Variants in SOX5 observed in about 807,000 individuals in gnomAD.
The protein encoded by SOX5 is SRY-box transcription factor 5, also known as transcription factor SOX-5.
SOX5 carries 9 observed loss-of-function variants against 92.0 expected under a neutral mutation model. The observed-to-expected ratio is 0.10, with a 90% confidence interval of 0.06 to 0.17. The LOEUF (loss-of-function observed/expected upper bound fraction) is 0.17. Ranked by LOEUF, SOX5 falls within the 10% of genes least tolerant of loss-of-function variation. The pLI, the probability that SOX5 is intolerant of heterozygous loss-of-function variation, is 1.00. For synonymous variants in SOX5, 344 were observed against 336.3 expected (o/e 1.02, Z -0.25); for missense variants, 642 against 944.5 (o/e 0.68, Z 4.20).
intron 1 of SOX5, among the ~76,000 whole-genome samples, chr12:23,922,754 A>G (rs1358285444): frequency 2.0e-5 from 3 of 152,214 alleles, no homozygotes; most frequent in Non-Finnish European, 4.4e-5. Flanking sequence ...GTACTTCTGT[A>G]GTGTTGATAT....
chr12:24,485,585 C>T (rs912114318), intron 1 of SOX5, among the ~76,000 whole-genome samples: 1 of 151,986 alleles, frequency 6.6e-6, no homozygotes, highest in Non-Finnish European at 1.5e-5. Flanking sequence ...ATAACAAGTA[C>T]CCTTCCCATT....
At chr12:23,553,680 G>A (rs909739759) in intron 11 of SOX5, among the ~76,000 whole-genome samples, 26 of 152,040 alleles carry the variant, frequency 1.7e-4, no homozygotes, top group Admixed American at 5.2e-4. Flanking sequence ...AATCAGAAGG[G>A]TTAATGTGAG....
chr12:24,139,310 T>C (rs1950365299), intron 4 of SOX5, among the ~76,000 whole-genome samples: 1 of 152,226 alleles, frequency 6.6e-6, no homozygotes, highest in Non-Finnish European at 1.5e-5. Context: ...TGTAATGTTT[T>C]AATAGCTCGC....
At chr12:24,420,326 T>A (rs533090959) in intron 1 of SOX5, among the ~76,000 whole-genome samples, 28 of 152,254 alleles carry the variant, frequency 1.8e-4, no homozygotes, top group African/African-American at 6.0e-4. Context: ...GCTTAGAACA[T>A]CTTAACATAC....
At chr12:23,618,151 A>G (rs528226285) in intron 8 of SOX5, among the ~76,000 whole-genome samples, 1 of 152,196 alleles carries the variant, frequency 6.6e-6, no homozygotes, top group Non-Finnish European at 1.5e-5. Context: ...AGATCTCTCT[A>G]TGTATCAGTG....
chr12:24,517,856 C>G (rs1459891044), intron 1 of SOX5, among the ~76,000 whole-genome samples: 1 of 152,008 alleles, frequency 6.6e-6, no homozygotes, highest in Non-Finnish European at 1.5e-5. Context: ...GTAAATGGAC[C>G]TCTACAAAAA....
At chr12:24,398,693 T>C (rs963570215) in intron 1 of SOX5, among the ~76,000 whole-genome samples, 15 of 152,192 alleles carry the variant, frequency 9.9e-5, no homozygotes, top group South Asian at 2.1e-4. Context: ...CATTAGTCAT[T>C]AAATTCCTGA....
At chr12:23,961,848 A>G (rs1946978390) in intron 4 of SOX5, among the ~76,000 whole-genome samples, 1 of 152,166 alleles carries the variant, frequency 6.6e-6, no homozygotes, top group Non-Finnish European at 1.5e-5. Flanking sequence ...CTGTTTCTCA[A>G]GATTAGAATA....
intron 1 of SOX5, among the ~76,000 whole-genome samples, chr12:23,936,165 A>G (rs1942508944): frequency 6.6e-6 from 1 of 151,048 alleles, no homozygotes; most frequent in South Asian, 2.1e-4. Flanking sequence ...ATATGTATAG[A>G]GAAAGTTTGG....
intron 1 of SOX5, among the ~76,000 whole-genome samples, chr12:24,369,382 A>C (rs1222400075): frequency 6.6e-6 from 1 of 152,208 alleles, no homozygotes; most frequent in Non-Finnish European, 1.5e-5. Context: ...ACCAACATTC[A>C]AAAGGGGTTG....
intron 11 of SOX5, among the ~76,000 whole-genome samples, chr12:23,558,629 T>C (rs994632864): frequency 6.6e-6 from 1 of 152,032 alleles, no homozygotes; most frequent in Non-Finnish European, 1.5e-5. Flanking sequence ...TGAGACGGAG[T>C]TCCGCTTTTG....
chr12:23,824,775 G>A (rs2096196590), intron 3 of SOX5, among the ~76,000 whole-genome samples: 1 of 152,230 alleles, frequency 6.6e-6, no homozygotes, highest in Admixed American at 6.5e-5. Flanking sequence ...TTCTTTCAGA[G>A]ACGCCCTGCT....
chr12:24,371,920 G>A (rs542690718), intron 1 of SOX5, among the ~76,000 whole-genome samples: 4 of 152,118 alleles, frequency 2.6e-5, no homozygotes, highest in African/African-American at 4.8e-5. Flanking sequence ...CCCAGGAAGT[G>A]GAGGTTGCAG....
intron 1 of SOX5, among the ~76,000 whole-genome samples, chr12:24,373,339 T>C (rs897125244): frequency 1.3e-5 from 2 of 152,236 alleles, no homozygotes; most frequent in Non-Finnish European, 2.9e-5. Context: ...TCGTGTTGTG[T>C]CCTTGCTCAA....
At chr12:23,954,185 T>G (rs1946000080), upstream of SOX5, among the ~76,000 whole-genome samples, 2 of 152,050 alleles carry the variant, frequency 1.3e-5, no homozygotes, top group African/African-American at 4.8e-5. Context: ...AAATATGTGG[T>G]CATAGGTGCA....
chr12:24,185,722 T>C (rs571947035), intron 4 of SOX5, among the ~76,000 whole-genome samples: 14 of 152,184 alleles, frequency 9.2e-5, no homozygotes, highest in Non-Finnish European at 1.9e-4. Flanking sequence ...GTTGTAAAGA[T>C]TAAATGAGCC....
At chr12:23,690,253 T>C (rs1055264730) in intron 6 of SOX5, among the ~76,000 whole-genome samples, 1 of 152,188 alleles carries the variant, frequency 6.6e-6, no homozygotes, top group African/African-American at 2.4e-5. Flanking sequence ...AGACATGTCA[T>C]ATCACAGAAT....
intron 4 of SOX5, among the ~76,000 whole-genome samples, chr12:24,032,528 G>A (rs1955613918): frequency 6.6e-6 from 1 of 151,694 alleles, no homozygotes; most frequent in Non-Finnish European, 1.5e-5. Context: ...TATAATTATA[G>A]GTAACATTTT....
intron 4 of SOX5, among the ~76,000 whole-genome samples, chr12:24,014,813 C>T (rs1279058248): frequency 6.6e-6 from 1 of 152,028 alleles, no homozygotes; most frequent in Non-Finnish European, 1.5e-5. Context: ...AATCTGGGGG[C>T]CTTGTTCCTA....
Sources: allele counts gnomAD v4.1 joint callset (sites outside exome capture counted in the v4.1 genomes callset), GRCh38; gene constraint gnomAD v4.1.1; transcripts MANE v1.5; gene names NCBI Gene and HGNC (gene_info 2026-07-23, HGNC 2026-07-21).